The following ADAMTSL3 variants were observed in gnomAD, a reference collection of about 807,000 sequenced individuals.
ADAMTSL3 encodes ADAMTS-like protein 3.
In ADAMTSL3, 128 loss-of-function variants were observed where a neutral mutation model predicts 201.7. That is an observed-to-expected ratio of 0.63 (90% CI 0.55 to 0.73). ADAMTSL3 has a LOEUF of 0.73. Among genes scored for constraint, ADAMTSL3 ranks in the 30% least tolerant of loss-of-function variants. The pLI, the probability that ADAMTSL3 is intolerant of heterozygous loss-of-function variation, is 0.00. For synonymous variants in ADAMTSL3, 738 were observed against 748.4 expected, an observed-to-expected ratio of 0.99 and a Z score of 0.23; for missense variants, 1,990 against 2,119.6, an observed-to-expected ratio of 0.94 and a Z score of 1.20.
chr15:83,997,321 C>T lies in ADAMTSL3; in HGVS notation c.3973+6107C>T, dbSNP rs139543080. Among the ~76,000 whole-genome samples the T allele has an allele frequency of 2.5e-4, 38 of 152,344 alleles. No homozygotes were observed. In the Middle Eastern group the frequency reaches 0.01, roughly 41 times the overall value. ...GGTCTGAAGCGGCTGGGCACAGTGG[C>T]TCACACCTGTAATCCCAGCACTTTG... On this transcript the variant is annotated intron_variant, in intron 23 of 29. Coordinates refer to ENST00000286744, the MANE Select transcript of ADAMTSL3 (RefSeq NM_207517.3).
chr15:83,789,345 T>C (rs549391435), intron 4 of ADAMTSL3, among the ~76,000 whole-genome samples: 1 of 152,346 alleles, frequency 6.6e-6, no homozygotes, highest in South Asian at 2.1e-4. Flanking sequence ...ATCTTCTGTT[T>C]CATCTCTGAG....
At chr15:84,025,674 A>G (rs1029914564) in intron 27 of ADAMTSL3, 13 of 419,810 alleles carry the variant, frequency 3.1e-5, no homozygotes, top group Middle Eastern at 6.7e-4. Flanking sequence ...GCCATAACAG[A>G]AGCTCCAAGT....
chr15:83,787,440 A>G (rs1437317489), intron 4 of ADAMTSL3, among the ~76,000 whole-genome samples: 1 of 152,204 alleles, frequency 6.6e-6, no homozygotes, highest in African/African-American at 2.4e-5. Flanking sequence ...GGTCTGTGGG[A>G]TAGGTAAGGA....
intron 19 of ADAMTSL3, among the ~76,000 whole-genome samples, chr15:83,959,808 G>A (rs1175165472): frequency 1.3e-5 from 2 of 152,204 alleles, no homozygotes; most frequent in East Asian, 3.8e-4. Context: ...TCTGTGAGTT[G>A]TGGACATTCT....
chr15:83,870,262 G>C (rs548731347), intron 8 of ADAMTSL3, among the ~76,000 whole-genome samples: 1 of 152,224 alleles, frequency 6.6e-6, no homozygotes, highest in Admixed American at 6.5e-5. Flanking sequence ...CAATTTCCTG[G>C]TTTTGATATT....
At chr15:83,671,562 A>G (rs1372542950) in intron 2 of ADAMTSL3, among the ~76,000 whole-genome samples, 1 of 152,134 alleles carries the variant, frequency 6.6e-6, no homozygotes, top group Non-Finnish European at 1.5e-5. Context: ...AAATGTTGTA[A>G]GGTGCTCAAT....
At position 83,892,714 on chromosome 15, in the gene ADAMTSL3, CGT is replaced by C; in HGVS notation, c.1296_1297del (p.Ser433LeufsTer42). The C allele has an allele frequency of 6.2e-7, 1 of 1,613,784 alleles. No individual in the cohort carries two copies. The highest frequency in any genetic ancestry group is 8.5e-7 in the Non-Finnish European group (1 of 1,179,942). ...AACATAATCCTTGGACTGCATGTTC[CGT>C]GTCCTGTGGAGGAGGGATTCAGAGA... is the stretch of plus-strand genomic sequence containing the variant. ...WEHNPWTACS[V>X]SCGGGIQRRS... On this transcript the variant is annotated frameshift_variant, in exon 13 of 30. Coordinates refer to ENST00000286744, the MANE Select transcript of ADAMTSL3 (RefSeq NM_207517.3). LOFTEE classifies it high-confidence loss of function.
intron 13 of ADAMTSL3, among the ~76,000 whole-genome samples, chr15:83,897,573 T>C (rs1244572758): frequency 6.6e-6 from 1 of 152,198 alleles, no homozygotes; most frequent in African/African-American, 2.4e-5. Context: ...GTTTCTTTGA[T>C]ATTTGAGCAG....
At chr15:83,742,006 C>G (rs755624557) in intron 3 of ADAMTSL3, among the ~76,000 whole-genome samples, 1 of 152,034 alleles carries the variant, frequency 6.6e-6, no homozygotes, top group Non-Finnish European at 1.5e-5. Context: ...AAATGTATAT[C>G]GAACCTTCTG....
Position 83,712,997 on chromosome 15 carries a change from T to C in ADAMTSL3, c.189+8489T>C, listed in dbSNP as rs532326206. Among the ~76,000 whole-genome samples the C allele has an allele frequency of 1.1e-4, 17 of 152,318 alleles. 1 individual carries two copies. The highest frequency in any genetic ancestry group is 1.1e-3 in the Admixed American group (17 of 15,304). On this transcript the variant is annotated intron_variant, in intron 3 of 29. Coordinates refer to ENST00000286744, the MANE Select transcript of ADAMTSL3 (RefSeq NM_207517.3). ...TTCCTTTTAATCTCTAAGAGACAAC[T>C]AATTCTCTTATCTCTCTACTTCTCC...
intron 2 of ADAMTSL3, among the ~76,000 whole-genome samples, chr15:83,690,999 C>A (rs1313652749): frequency 6.6e-6 from 1 of 152,236 alleles, no homozygotes; most frequent in Non-Finnish European, 1.5e-5. Flanking sequence ...AATGTTGATT[C>A]TTTTATCGTG....
intron 19 of ADAMTSL3, among the ~76,000 whole-genome samples, chr15:83,969,382 T>C (rs935684503): frequency 6.6e-6 from 1 of 152,104 alleles, no homozygotes; most frequent in Non-Finnish European, 1.5e-5. Flanking sequence ...AGGCAGAGAT[T>C]CCAGTGAGCT....
At chr15:84,022,447 T>A (rs1218079096) in intron 26 of ADAMTSL3, among the ~76,000 whole-genome samples, 2 of 152,254 alleles carry the variant, frequency 1.3e-5, no homozygotes, top group Admixed American at 6.5e-5. Context: ...TCTAACTCAG[T>A]ACCTGTCACC....
intron 6 of ADAMTSL3, among the ~76,000 whole-genome samples, chr15:83,832,992 T>G (rs2064188466): frequency 6.6e-6 from 1 of 152,162 alleles, no homozygotes. Flanking sequence ...AGAAACCACT[T>G]AGAATTTAGA....
intron 15 of ADAMTSL3, among the ~76,000 whole-genome samples, chr15:83,900,562 T>A (rs2065704051): frequency 6.6e-6 from 1 of 152,250 alleles, no homozygotes; most frequent in African/African-American, 2.4e-5. Context: ...GCTGACAGGC[T>A]GTCTATGAAG....
chr15:84,004,654 C>T (rs1461219488), intron 23 of ADAMTSL3, among the ~76,000 whole-genome samples: 1 of 152,182 alleles, frequency 6.6e-6, no homozygotes, highest in Non-Finnish European at 1.5e-5. Flanking sequence ...TAGAACCCAG[C>T]TCCATGCTCT....
intron 17 of ADAMTSL3, among the ~76,000 whole-genome samples, chr15:83,941,118 C>CT (rs1426444457): frequency 4.0e-5 from 6 of 151,516 alleles, no homozygotes; most frequent in Non-Finnish European, 5.9e-5. Flanking sequence ...ATAGCTCATG[C>CT]TTTTTACAAG....
intron 8 of ADAMTSL3, among the ~76,000 whole-genome samples, chr15:83,865,968 T>C (rs2064966841): frequency 6.6e-6 from 1 of 152,162 alleles, no homozygotes; most frequent in Non-Finnish European, 1.5e-5. Context: ...CAGACACTTC[T>C]CAAAAGAAGA....
intron 17 of ADAMTSL3, among the ~76,000 whole-genome samples, chr15:83,931,021 G>C (rs1184030942): frequency 6.6e-6 from 1 of 152,198 alleles, no homozygotes; most frequent in Non-Finnish European, 1.5e-5. Flanking sequence ...CTCCAAGGTG[G>C]GGTGTTGGAT....
Sources: allele counts gnomAD v4.1 joint callset (sites outside exome capture counted in the v4.1 genomes callset), GRCh38; gene constraint gnomAD v4.1.1; transcripts MANE v1.5; gene names NCBI Gene and HGNC (gene_info 2026-07-23, HGNC 2026-07-21).